Variants in MAMDC2 observed in about 807,000 individuals in gnomAD.
MAMDC2 encodes MAM domain-containing protein 2.
A neutral mutation model predicts 89.8 loss-of-function variants in MAMDC2; 57 were observed. The ratio of observed to expected loss-of-function variants is 0.63; its 90% CI spans 0.51 to 0.79. The LOEUF is 0.79. MAMDC2 is among the 30% of genes least tolerant of loss of function. The pLI is 0.00. For missense variants in MAMDC2, 800 were observed against 820.6 expected, an observed-to-expected ratio of 0.97 and a Z score of 0.31; for synonymous variants, 313 against 293.4, an observed-to-expected ratio of 1.07 and a Z score of -0.68.
At chr9:70,088,413 T>C (rs75898276) in intron 2 of MAMDC2, 1 of 151,998 alleles carries the variant, frequency 6.6e-6, no homozygotes. Flanking sequence ...GGCATAGAGG[T>C]CCAGGTACTT....
intron 11 of MAMDC2, chr9:70,170,840 C>T (rs906445287): frequency 8.9e-6 from 4 of 450,440 alleles, no homozygotes; most frequent in African/African-American, 8.1e-5. Context: ...ATTGCTGCAG[C>T]AAGGATCTAA....
chr9:70,082,917 T>C (rs1827685055), intron 2 of MAMDC2: 1 of 152,164 alleles, frequency 6.6e-6, no homozygotes, highest in South Asian at 2.1e-4. Context: ...GTCAGAACTT[T>C]CTAATAAATG....
chr9:70,058,655 C>T (rs1354182772), intron 2 of MAMDC2, among the ~76,000 whole-genome samples: 1 of 148,854 alleles, frequency 6.7e-6, no homozygotes, highest in Non-Finnish European at 1.5e-5. Flanking sequence ...TTTCCTGGCT[C>T]CTGCCTGCCT....
At chr9:70,090,137 AC>A (rs2118171805) in intron 2 of MAMDC2, among the ~76,000 whole-genome samples, 1 of 152,094 alleles carries the variant, frequency 6.6e-6, no homozygotes, top group Admixed American at 6.6e-5. Flanking sequence ...ACACACACAC[AC>A]ACACACACAC....
chr9:70,078,331 C>CATAAA (rs1827581401), intron 2 of MAMDC2, among the ~76,000 whole-genome samples: 1 of 152,014 alleles, frequency 6.6e-6, no homozygotes, highest in Non-Finnish European at 1.5e-5. Flanking sequence ...TCAAAGTGCC[C>CATAAA]ACATAATGTT....
intron 2 of MAMDC2, among the ~76,000 whole-genome samples, chr9:70,084,743 C>A (rs12003971): frequency 0.17 from 25,772 of 152,008 alleles, 2,885 homozygotes; most frequent in African/African-American, 0.31. Flanking sequence ...CAAGTACAAC[C>A]AAAGGATGTT....
rs1170539550 is a variant in MAMDC2, at chr9:70,225,974, A to T, written c.2003A>T (p.Glu668Val). 1.3e-6 allele frequency: 2 copies of T among 1,575,366 alleles called. No homozygotes were observed. Among genetic ancestry groups the T allele is most frequent in the Non-Finnish European group, 1.7e-6 (2 of 1,155,102 alleles). ...KFQAGPCGEMEDTTQQSSGYS... is the reference protein window; with the variant it reads ...KFQAGPCGEMVDTTQQSSGYS... ...TATTTGTCTTTCCTGACAGAAATGG[A>T]AGATACAACTCAACAATCATCAGGA... The change falls in exon 14 of 14, where the codon GAA becomes GTA. Residue 668 changes from glutamate (E) to valine (V), a missense_variant. Transcript: ENST00000377182.
At chr9:70,160,583 G>C (rs1287721560) in intron 9 of MAMDC2, among the ~76,000 whole-genome samples, 1 of 152,188 alleles carries the variant, frequency 6.6e-6, no homozygotes. Context: ...GAAAATGGGT[G>C]CAAGTGAAGA....
At chr9:70,092,956 T>C (rs2118184598) in intron 2 of MAMDC2, among the ~76,000 whole-genome samples, 1 of 152,342 alleles carries the variant, frequency 6.6e-6, no homozygotes, top group Middle Eastern at 3.4e-3. Context: ...AATGGAATAT[T>C]CTTGTTCCTA....
At chr9:70,170,366 C>G in intron 10 of MAMDC2, 113 bp from the exon 11 acceptor site, 1 of 1,245,534 alleles carries the variant, frequency 8.0e-7, no homozygotes, top group Non-Finnish European at 1.1e-6. Context: ...GGGGCTGCCT[C>G]TCCATCGCAT....
At chr9:70,055,451 C>T (rs1304187291) in intron 2 of MAMDC2, among the ~76,000 whole-genome samples, 1 of 152,158 alleles carries the variant, frequency 6.6e-6, no homozygotes, top group Non-Finnish European at 1.5e-5. Context: ...TCAAGTGGTC[C>T]TAATTCACTT....
chr9:70,181,335 G>C (rs892089124), intron 11 of MAMDC2, among the ~76,000 whole-genome samples: 1 of 152,120 alleles, frequency 6.6e-6, no homozygotes, highest in Non-Finnish European at 1.5e-5. Context: ...GGCTATACAG[G>C]CTCTTTTTTG....
At chr9:70,128,591 A>G (rs946086939) in intron 6 of MAMDC2, among the ~76,000 whole-genome samples, 1 of 152,162 alleles carries the variant, frequency 6.6e-6, no homozygotes, top group African/African-American at 2.4e-5. Context: ...GGGCCTGCTC[A>G]AGCTAATTAG....
intron 9 of MAMDC2, among the ~76,000 whole-genome samples, chr9:70,156,165 T>C (rs941783990): frequency 4.6e-5 from 7 of 152,236 alleles, no homozygotes; most frequent in African/African-American, 1.7e-4. Context: ...TCCTTCATTT[T>C]CTCTTACAAA....
rs1587588533 is a variant in MAMDC2 at position 70,226,070 on chromosome 9, A to G, written c.*38A>G. On this transcript the variant is annotated 3_prime_UTR_variant, in exon 14 of 14. Transcript: ENST00000377182. Reference sequence around the variant, plus strand: ...ATTGGATTTACTAGACGAAAACCATACCTCTCTTCAATCAAAATGAAAACA... The same window carrying G: ...ATTGGATTTACTAGACGAAAACCATGCCTCTCTTCAATCAAAATGAAAACA... 1 of 1,163,914 alleles carries G rather than the reference A, an allele frequency of 8.6e-7. No homozygotes were observed. Among genetic ancestry groups the G allele is most frequent in the Non-Finnish European group, 1.2e-6 (1 of 808,792 alleles). 72.1% of individuals were successfully genotyped at this position (1,163,914 alleles called of 1,614,324 possible). A position where few individuals can be genotyped will look rare whatever the true frequency, so the allele number is the denominator to read the frequency against.
At chr9:70,054,627 G>A (rs1383578559) in intron 2 of MAMDC2, among the ~76,000 whole-genome samples, 1 of 151,708 alleles carries the variant, frequency 6.6e-6, no homozygotes, top group Non-Finnish European at 1.5e-5. Context: ...ACTTGAGCTT[G>A]TTTCTATAGT....
At chr9:70,108,807 C>A (rs1828417612) in intron 3 of MAMDC2, among the ~76,000 whole-genome samples, 1 of 152,128 alleles carries the variant, frequency 6.6e-6, no homozygotes, top group Non-Finnish European at 1.5e-5. Context: ...TTTATTTCAT[C>A]CTTCTAAATT....
intron 11 of MAMDC2, among the ~76,000 whole-genome samples, chr9:70,209,553 TATC>T: frequency 6.6e-6 from 1 of 151,580 alleles, no homozygotes. Flanking sequence ...TCTATCTATC[TATC>T]TATTTTATTG....
intron 9 of MAMDC2, among the ~76,000 whole-genome samples, chr9:70,163,420 G>T (rs931317664): frequency 1.3e-5 from 2 of 151,756 alleles, no homozygotes; most frequent in Non-Finnish European, 2.9e-5. Context: ...TAGAGACAAG[G>T]TTTCGCAATG....
Sources: allele counts gnomAD v4.1 joint callset (sites outside exome capture counted in the v4.1 genomes callset), GRCh38; gene constraint gnomAD v4.1.1; transcripts MANE v1.5; gene names NCBI Gene and HGNC (gene_info 2026-07-23, HGNC 2026-07-21).